ELAVL2: variants seen among roughly 807,000 people sequenced by gnomAD.
ELAVL2 encodes ELAV like RNA binding protein 2.
Under a neutral mutation model 34.6 loss-of-function variants are expected in ELAVL2, and 4 were observed. The observed-to-expected ratio is 0.12, with a 90% CI of 0.06 to 0.26. ELAVL2 has a LOEUF of 0.26. Among genes scored for constraint, ELAVL2 ranks in the 10% least tolerant of loss-of-function variants. The pLI is 1.00. For missense variants in ELAVL2, 432 were observed against 442.8 expected (o/e 0.98, Z 0.22); for synonymous variants, 193 against 154.8 (o/e 1.25, Z -1.83).
intron 2 of ELAVL2, among the ~76,000 whole-genome samples, chr9:23,759,754 T>TTTTATATATATATA (rs1279843264): frequency 1.4e-4 from 11 of 81,346 alleles, no homozygotes; most frequent in East Asian, 7.6e-4. Context: ...ATATATAGTA[T>TTTTATATATATATA]TATATATATA....
At chr9:23,731,754 C>T (rs2046616625) in intron 2 of ELAVL2, among the ~76,000 whole-genome samples, 1 of 151,978 alleles carries the variant, frequency 6.6e-6, no homozygotes, top group Admixed American at 6.6e-5. Flanking sequence ...ACACAAAAGA[C>T]TTACAGGGAT....
In ELAVL2 at chr9:23,691,414, C is replaced by T. The variant is rs185658962; in HGVS notation, c.*1143G>A. ...TTGCTGCAGTACAAATCATGTGCAA[C>T]GTCTTTTTTCCTTAAGACAAAACAA... On this transcript the variant is annotated 3_prime_UTR_variant, in exon 7 of 7. Coordinates refer to ENST00000397312, the MANE Select transcript of ELAVL2 (RefSeq NM_004432.5). 18 of 152,634 alleles carry T rather than the reference C, an allele frequency of 1.2e-4. No homozygotes were observed. The highest frequency in any genetic ancestry group is 4.4e-5 in the Non-Finnish European group (3 of 67,974). The allele number at this position is 152,634 out of a possible 1,614,324, so 9.5% of individuals were successfully genotyped here.
At chr9:23,735,469 G>C (rs535224291) in intron 2 of ELAVL2, 1 of 152,154 alleles carries the variant, frequency 6.6e-6, no homozygotes, top group Non-Finnish European at 1.5e-5. Flanking sequence ...AGTAGAGACA[G>C]GGTTTCGCCA....
chr9:23,723,989 CTT>C (rs2134193523), intron 3 of ELAVL2, among the ~76,000 whole-genome samples: 1 of 152,294 alleles, frequency 6.6e-6, no homozygotes, highest in East Asian at 1.9e-4. Flanking sequence ...GGCAGTTACT[CTT>C]TTAATTCCAA....
chr9:23,744,533 C>G (rs928285648), intron 2 of ELAVL2, among the ~76,000 whole-genome samples: 5 of 151,992 alleles, frequency 3.3e-5, no homozygotes, highest in Non-Finnish European at 7.4e-5. Context: ...ACTTACTAGC[C>G]CCTGTACCCA....
intron 1 of ELAVL2, among the ~76,000 whole-genome samples, chr9:23,796,243 C>G (rs893507164): frequency 1.3e-5 from 2 of 152,212 alleles, no homozygotes; most frequent in Admixed American, 6.5e-5. Flanking sequence ...TGGGTTATTA[C>G]AGTTCTTGTT....
At chr9:23,745,288 G>A (rs1588020526) in intron 2 of ELAVL2, among the ~76,000 whole-genome samples, 2 of 152,120 alleles carry the variant, frequency 1.3e-5, no homozygotes, top group Non-Finnish European at 2.9e-5. Flanking sequence ...TTTTCTGAAT[G>A]TATAATCTAC....
chr9:23,717,281 TAA>T (rs1401847320), intron 3 of ELAVL2, among the ~76,000 whole-genome samples: 1 of 152,182 alleles, frequency 6.6e-6, no homozygotes, highest in African/African-American at 2.4e-5. Flanking sequence ...TGTAAATACT[TAA>T]ATGAGTCCCA....
intron 2 of ELAVL2, chr9:23,735,366 C>T (rs1300286441): frequency 1.3e-5 from 2 of 152,170 alleles, no homozygotes; most frequent in African/African-American, 2.4e-5. Flanking sequence ...CAACTTCCAC[C>T]TCCTGGGTTC....
chr9:23,822,584 C>G (rs961000808), intron 1 of ELAVL2, among the ~76,000 whole-genome samples: 4 of 152,248 alleles, frequency 2.6e-5, no homozygotes, highest in Non-Finnish European at 4.4e-5. Context: ...TGTCCTCAGA[C>G]CCGGCCCCAC....
At chr9:23,831,504 G>C in the ELAVL2 span, 1 of 152,336 alleles carries the variant, frequency 6.6e-6, no homozygotes. Context: ...CTGAGGCCCG[G>C]GGAGACACAG....
chr9:23,788,537 A>C (rs1484174606), intron 1 of ELAVL2, among the ~76,000 whole-genome samples: 3 of 152,208 alleles, frequency 2.0e-5, no homozygotes, highest in Non-Finnish European at 2.9e-5. Context: ...ACAATAACTA[A>C]GAACTGCTGT....
the ELAVL2 span, among the ~76,000 whole-genome samples, chr9:23,846,416 C>A: frequency 6.6e-6 from 1 of 151,694 alleles, no homozygotes; most frequent in Non-Finnish European, 1.5e-5. Context: ...TATGACATTA[C>A]CAAATGTAAG....
At chr9:23,725,481 C>A (rs1375819964) in intron 3 of ELAVL2, among the ~76,000 whole-genome samples, 2 of 152,196 alleles carry the variant, frequency 1.3e-5, no homozygotes, top group Non-Finnish European at 2.9e-5. Context: ...TACTGGGTGG[C>A]AAGCCCTTAG....
At chr9:23,841,741 T>A in the ELAVL2 span, among the ~76,000 whole-genome samples, 1 of 152,130 alleles carries the variant, frequency 6.6e-6, no homozygotes, top group Non-Finnish European at 1.5e-5. Context: ...TGAATGATAG[T>A]GTTTGCTTGT....
chr9:23,725,684 A>C (rs1408815717), intron 3 of ELAVL2, among the ~76,000 whole-genome samples: 1 of 152,156 alleles, frequency 6.6e-6, no homozygotes, highest in Non-Finnish European at 1.5e-5. Flanking sequence ...TAGAAACTCA[A>C]ATCCCCATAT....
At chr9:23,757,036 C>A (rs1034977251) in intron 2 of ELAVL2, among the ~76,000 whole-genome samples, 4 of 152,076 alleles carry the variant, frequency 2.6e-5, no homozygotes, top group Non-Finnish European at 5.9e-5. Context: ...AGCTCTCTGA[C>A]AACAGATTCC....
chr9:23,806,506 G>T (rs1033449320), intron 1 of ELAVL2, among the ~76,000 whole-genome samples: 2 of 151,954 alleles, frequency 1.3e-5, no homozygotes, highest in African/African-American at 4.8e-5. Context: ...TTGCAGTAAA[G>T]CATGCCTATA....
chr9:23,821,408 G>A (rs546407672), intron 1 of ELAVL2: 5 of 152,136 alleles, frequency 3.3e-5, no homozygotes, highest in African/African-American at 9.6e-5. Flanking sequence ...CCGCCGCAAC[G>A]GGCTGAGCTC....
Sources: allele counts gnomAD v4.1 joint callset (sites outside exome capture counted in the v4.1 genomes callset), GRCh38; gene constraint gnomAD v4.1.1; transcripts MANE v1.5; gene names NCBI Gene and HGNC (gene_info 2026-07-23, HGNC 2026-07-21).